IREB2: variants seen among roughly 807,000 people sequenced by gnomAD.
IREB2 encodes the protein iron-responsive element-binding protein 2.
Under a neutral mutation model 118.8 loss-of-function variants are expected in IREB2, and 39 were observed. The observed-to-expected ratio is 0.33, with a 90% CI of 0.25 to 0.43. IREB2 has a LOEUF of 0.43. Among genes scored for constraint, IREB2 ranks in the 20% least tolerant of loss-of-function variants. The probability of loss-of-function intolerance (pLI) is 1.00; values close to 1 mark genes in which losing one functional copy is unlikely to be tolerated. For synonymous variants in IREB2, 372 were observed against 392.2 expected, an observed-to-expected ratio of 0.95 and a Z score of 0.61; for missense variants, 900 against 1,147.3, an observed-to-expected ratio of 0.78 and a Z score of 3.11.
At chr15:78,483,820 G>C (rs906485998) in intron 11 of IREB2, among the ~76,000 whole-genome samples, 1 of 139,624 alleles carries the variant, frequency 7.2e-6, no homozygotes, top group African/African-American at 2.7e-5. Context: ...GTCTCACTTT[G>C]TTGCCCAAGC....
intron 9 of IREB2, among the ~76,000 whole-genome samples, chr15:78,477,294 G>C (rs1596005185): frequency 6.6e-6 from 1 of 152,196 alleles, no homozygotes; most frequent in Non-Finnish European, 1.5e-5. Context: ...CATGGTTTCA[G>C]TGGGGTCGGT....
chr15:78,475,896 A>C, intron 8 of IREB2: 2 of 204,712 alleles, frequency 9.8e-6, no homozygotes, highest in Non-Finnish European at 2.0e-5. Flanking sequence ...CAGACACACT[A>C]TTGAGTTGAG....
Position 78,488,778 on chromosome 15 carries a change from G to A in IREB2, c.2076+7G>A, listed in dbSNP as rs2051703008. On this transcript the variant is annotated splice_region_variant and intron_variant, in intron 16 of 21. Coordinates refer to ENST00000258886, the MANE Select transcript of IREB2 (RefSeq NM_004136.4). ...ATTAAAAGATAAAATAGAAGTAAGAGTCTTATGTGTTTCTTAAATAGTTTA... is the reference window on the plus strand; with the variant it reads ...ATTAAAAGATAAAATAGAAGTAAGAATCTTATGTGTTTCTTAAATAGTTTA... 1 of 1,428,914 alleles carries A rather than the reference G, an allele frequency of 7.0e-7. No individual in the cohort carries two copies. The highest frequency in any genetic ancestry group is 9.7e-7 in the Non-Finnish European group (1 of 1,027,024). 88.5% of individuals were successfully genotyped at this position (1,428,914 alleles called of 1,614,324 possible). A position where few individuals can be genotyped will look rare whatever the true frequency, so the allele number is the denominator to read the frequency against.
chr15:78,439,905 G>T, intron 2 of IREB2, 24 bp downstream of exon 2: 1 of 1,439,856 alleles, frequency 6.9e-7, no homozygotes, highest in South Asian at 1.2e-5. Flanking sequence ...ACATTTTCTT[G>T]GGTTTGTTTA....
intron 2 of IREB2, among the ~76,000 whole-genome samples, chr15:78,441,492 T>C (rs965603774): frequency 9.2e-5 from 14 of 152,242 alleles, no homozygotes; most frequent in African/African-American, 3.4e-4. Context: ...TGGAAGTCTT[T>C]TAACCCAAAT....
chr15:78,462,256 A>G (rs2051210023), intron 2 of IREB2, among the ~76,000 whole-genome samples: 4 of 152,206 alleles, frequency 2.6e-5, no homozygotes, highest in Non-Finnish European at 5.9e-5. Flanking sequence ...TGTGGATTAC[A>G]GTGATTTATT....
chr15:78,497,191 C>T lies in IREB2; in HGVS notation c.2661C>T (p.Gly887=), dbSNP rs373540975. The stretch of plus-strand genomic sequence containing the variant: ...ACAAAGATCATTTGATTGGAATTGG[C>T]ATAGCTCCACTTCAGTTCCTTCCAG... The part of the protein sequence containing the change: ...KIHKDHLIGI[G]IAPLQFLPGE... The change falls in exon 21 of 22, where the codon GGC becomes GGT. Residue 887 remains glycine, a synonymous_variant. Coordinates refer to ENST00000258886, the MANE Select transcript of IREB2 (RefSeq NM_004136.4). The T allele has an allele frequency of 1.9e-6, 3 of 1,613,588 alleles. No homozygotes were observed. The highest frequency in any genetic ancestry group is 2.5e-6 in the Non-Finnish European group (3 of 1,179,632).
At chr15:78,481,176 G>C (rs2051564191) in intron 10 of IREB2, among the ~76,000 whole-genome samples, 1 of 152,154 alleles carries the variant, frequency 6.6e-6, no homozygotes, top group South Asian at 2.1e-4. Flanking sequence ...CCGAGCCCCT[G>C]AGTTTGAAGC....
At chr15:78,475,960 A>G in intron 8 of IREB2, 1 of 345,792 alleles carries the variant, frequency 2.9e-6, no homozygotes, top group Non-Finnish European at 5.2e-6. Flanking sequence ...TTGAGCTTTC[A>G]GGCCCCTTTC....
chr15:78,498,932 C>T lies in IREB2; in HGVS notation c.*789C>T, dbSNP rs981209898. Reference sequence around the variant, plus strand: ...ATTAATTGGATTAGATTATTTTGCTCACCTTATGTAATACTGTAACTTCCT... The same window carrying T: ...ATTAATTGGATTAGATTATTTTGCTTACCTTATGTAATACTGTAACTTCCT... On this transcript the variant is annotated 3_prime_UTR_variant, in exon 22 of 22. Transcript: ENST00000258886. 15 of 152,194 alleles carry T rather than the reference C, an allele frequency of 9.9e-5. No homozygotes were observed. Among genetic ancestry groups the T allele is most frequent in the Admixed American group, 7.9e-4 (12 of 15,276 alleles). The allele number at this position is 152,194 out of a possible 1,614,324, so 9.4% of individuals were successfully genotyped here. A position where few individuals can be genotyped will look rare whatever the true frequency, so the allele number is the denominator to read the frequency against.
In IREB2 at chr15:78,485,754, T is replaced by C. The variant is rs752736964; in HGVS notation, c.1623T>C (p.Tyr541=). The C allele has an allele frequency of 1.2e-6, 2 of 1,614,046 alleles. No homozygotes were observed. The highest frequency in any genetic ancestry group is 2.2e-5 in the South Asian group (2 of 91,080). The change falls in exon 13 of 22, where the codon TAT becomes TAC. Residue 541 remains tyrosine (Y), a synonymous_variant. Coordinates refer to ENST00000258886, the MANE Select transcript of IREB2 (RefSeq NM_004136.4). ...AAGCTGGTCTGCGTGTTAAACCTTA[T>C]ATAAGAACAAGTTTATCTCCAGGCA... ...AVEAGLRVKP[Y]IRTSLSPGSG... is the part of the protein sequence containing the mutation.
chr15:78,496,616 A>G (rs887317806), intron 20 of IREB2, among the ~76,000 whole-genome samples: 1 of 151,980 alleles, frequency 6.6e-6, no homozygotes, highest in African/African-American at 2.4e-5. Context: ...TTTTGTAGAG[A>G]CAGGGTCTCA....
At chr15:78,466,200 C>G in intron 4 of IREB2, 71 bp from the exon 5 acceptor site, 1 of 964,014 alleles carries the variant, frequency 1.0e-6, no homozygotes, top group Non-Finnish European at 1.6e-6. Flanking sequence ...TGCTAATGTG[C>G]GTTTTTTTTT....
In IREB2 at chr15:78,488,817, G is replaced by T. The variant is rs182994300; in HGVS notation, c.2076+46G>T. The T allele has an allele frequency of 7.9e-4, 924 of 1,164,488 alleles. 7 individuals carry two copies. In the Middle Eastern group the frequency reaches 0.028, roughly 35 times the overall value. 72.1% of individuals were successfully genotyped at this position (1,164,488 alleles called of 1,614,324 possible). The stretch of plus-strand genomic sequence containing the variant: ...TTAAATAGTTTAATCAATTTGCAGT[G>T]TTCTTTTATTTCATATATCTTCTGA... On this transcript the variant is annotated intron_variant, in intron 16 of 21. Transcript: ENST00000258886.
rs138678339 is a variant in IREB2 at position 78,499,156 on chromosome 15, T to A, written c.*1013T>A. The A allele has an allele frequency of 2.0e-4, 31 of 152,352 alleles. No homozygotes were observed. Among genetic ancestry groups the A allele is most frequent in the African/African-American group, 7.5e-4 (31 of 41,586 alleles). 9.4% of individuals were successfully genotyped at this position (152,352 alleles called of 1,614,324 possible). On this transcript the variant is annotated 3_prime_UTR_variant, in exon 22 of 22. Transcript: ENST00000258886. ...TAAATTGATTTCCTGTCATTTTGAA[T>A]CATTTATCACCTGCGATGCATGATT...
intron 11 of IREB2, among the ~76,000 whole-genome samples, chr15:78,484,376 C>T (rs2051623918): frequency 6.6e-6 from 1 of 152,170 alleles, no homozygotes; most frequent in African/African-American, 2.4e-5. Flanking sequence ...CTATGCTACA[C>T]TCACACACAT....
intron 2 of IREB2, among the ~76,000 whole-genome samples, chr15:78,460,192 A>G (rs1335474140): frequency 6.6e-6 from 1 of 152,194 alleles, no homozygotes; most frequent in Non-Finnish European, 1.5e-5. Context: ...CATTATCTAG[A>G]TCCATTATTT....
chr15:78,470,689 CTTTTTTTTTTT>C (rs67871183), intron 6 of IREB2, 88 bp downstream of exon 6: 35 of 209,996 alleles, frequency 1.7e-4, no homozygotes, highest in Non-Finnish European at 2.4e-4. Flanking sequence ...TTTTCTTTTC[CTTTTTTTTTTT>C]TTTTTTTTTT....
chr15:78,438,061 C>T (rs1460793770), upstream of IREB2: 2 of 490,760 alleles, frequency 4.1e-6, no homozygotes, highest in Non-Finnish European at 7.4e-6. Context: ...CCCCCGCTCG[C>T]GAGAACAGCG....
Sources: gnomAD v4.1 joint callset for allele counts (sites outside exome capture counted in the v4.1 genomes callset) on GRCh38, gnomAD v4.1.1 for gene constraint, MANE v1.5 for transcripts, NCBI Gene and HGNC (gene_info 2026-07-23, HGNC 2026-07-21) for gene names.